The following C10orf67 variants were observed in gnomAD, a reference collection of about 807,000 sequenced individuals.
C10orf67 encodes the protein uncharacterized protein C10orf67, mitochondrial.
Under a neutral mutation model 35.6 loss-of-function variants are expected in C10orf67, and 60 were observed. The ratio of observed to expected loss-of-function variants is 1.68; its 90% CI spans 1.37 to 2.09. The LOEUF (loss-of-function observed/expected upper bound fraction) is 2.09, where lower values mean the gene tolerates loss of function less well. Among genes scored for constraint, C10orf67 ranks in the 30% most tolerant of loss-of-function variants. C10orf67 has a pLI of 0.00. For missense variants in C10orf67, 474 were observed against 330.2 expected (o/e 1.44, Z -3.38); for synonymous variants, 167 against 115.8 (o/e 1.44, Z -2.84).
At chr10:23,225,146 G>T (rs1414492242) in intron 13 of C10orf67, among the ~76,000 whole-genome samples, 1 of 152,208 alleles carries the variant, frequency 6.6e-6, no homozygotes, top group African/African-American at 2.4e-5. Flanking sequence ...ACAAAGGGAA[G>T]CCCATCAGAC....
chr10:23,245,270 A>G (rs1250609217), intron 12 of C10orf67, among the ~76,000 whole-genome samples: 2 of 152,214 alleles, frequency 1.3e-5, no homozygotes, highest in Non-Finnish European at 2.9e-5. Context: ...AAGAAAACAT[A>G]GGAGGGAAAG....
intron 13 of C10orf67, among the ~76,000 whole-genome samples, chr10:23,236,450 CA>C (rs1215009871): frequency 6.6e-6 from 1 of 150,792 alleles, no homozygotes; most frequent in Non-Finnish European, 1.5e-5. Flanking sequence ...CAAAACAAAA[CA>C]AACAAAAAAC....
intron 12 of C10orf67, among the ~76,000 whole-genome samples, chr10:23,244,970 G>A (rs770164995): frequency 1.8e-4 from 27 of 152,130 alleles, no homozygotes; most frequent in Non-Finnish European, 3.2e-4. Flanking sequence ...CAAAGCTATA[G>A]TAATCAAAAC....
intron 5 of C10orf67, among the ~76,000 whole-genome samples, chr10:23,296,144 T>C (rs1231624912): frequency 1.3e-5 from 2 of 152,192 alleles, no homozygotes; most frequent in Non-Finnish European, 2.9e-5. Context: ...ACTTTTCAGA[T>C]TTTCCTGTAT....
At chr10:23,252,863 C>T (rs11013352) in intron 10 of C10orf67, among the ~76,000 whole-genome samples, 57,379 of 151,984 alleles carry the variant, frequency 0.38, 11,683 homozygotes, top group Non-Finnish European at 0.46. Flanking sequence ...GTGTCCCCAC[C>T]CAAATCTCAT....
chr10:23,233,202 G>C (rs932620357), intron 13 of C10orf67, among the ~76,000 whole-genome samples: 1 of 152,080 alleles, frequency 6.6e-6, no homozygotes, highest in Non-Finnish European at 1.5e-5. Context: ...CTGAGTTGAA[G>C]AAAAGCACTA....
chr10:23,246,040 T>C (rs1331091440), intron 12 of C10orf67, among the ~76,000 whole-genome samples: 1 of 152,186 alleles, frequency 6.6e-6, no homozygotes, highest in Admixed American at 6.5e-5. Flanking sequence ...TGAAATCATG[T>C]CCTTTGCAGC....
intron 2 of C10orf67, among the ~76,000 whole-genome samples, chr10:23,327,862 A>C (rs1454910543): frequency 6.6e-6 from 1 of 152,072 alleles, no homozygotes; most frequent in Non-Finnish European, 1.5e-5. Flanking sequence ...TCTATGCCAC[A>C]TTGACAAAGA....
intron 4 of C10orf67, among the ~76,000 whole-genome samples, chr10:23,313,753 T>C (rs1414950692): frequency 6.6e-6 from 1 of 151,714 alleles, no homozygotes; most frequent in Admixed American, 6.6e-5. Flanking sequence ...AGCTAAGAAG[T>C]GGAAACAGAT....
intron 8 of C10orf67, among the ~76,000 whole-genome samples, chr10:23,281,712 C>A (rs1843372819): frequency 6.6e-6 from 1 of 151,978 alleles, no homozygotes; most frequent in Admixed American, 6.6e-5. Flanking sequence ...AAATAGCGGG[C>A]TCTCATATTT....
chr10:23,233,357 A>T (rs1171593771), intron 13 of C10orf67, among the ~76,000 whole-genome samples: 6 of 152,216 alleles, frequency 3.9e-5, no homozygotes, highest in African/African-American at 1.4e-4. Flanking sequence ...AACAAACAAA[A>T]ATTAAACTGG....
chr10:23,215,137 G>T (rs993853937), intron 15 of C10orf67, among the ~76,000 whole-genome samples: 1 of 152,012 alleles, frequency 6.6e-6, no homozygotes, highest in Non-Finnish European at 1.5e-5. Flanking sequence ...TAGATCAAAT[G>T]GATTGTCTAG....
At chr10:23,228,721 A>T (rs370919852) in intron 13 of C10orf67, among the ~76,000 whole-genome samples, 1 of 152,162 alleles carries the variant, frequency 6.6e-6, no homozygotes, top group Non-Finnish European at 1.5e-5. Context: ...GAATCTACAA[A>T]GAACTCAAAC....
intron 15 of C10orf67, among the ~76,000 whole-genome samples, chr10:23,211,789 G>A (rs1022764148): frequency 3.9e-5 from 6 of 152,098 alleles, no homozygotes; most frequent in African/African-American, 1.4e-4. Flanking sequence ...ATTTTTGGTG[G>A]GGGAAGAAGA....
chr10:23,319,237 A>G (rs1037826379), intron 4 of C10orf67, among the ~76,000 whole-genome samples: 7 of 152,114 alleles, frequency 4.6e-5, no homozygotes, highest in African/African-American at 1.4e-4. Context: ...GCTCCCACTC[A>G]TAAGTAAGAA....
chr10:23,284,421 G>A (rs548524186), intron 7 of C10orf67, among the ~76,000 whole-genome samples: 2 of 151,856 alleles, frequency 1.3e-5, no homozygotes, highest in South Asian at 2.1e-4. Context: ...GGTGGCTCAC[G>A]CCTATGATCC....
intron 1 of C10orf67, among the ~76,000 whole-genome samples, chr10:23,341,080 A>G (rs1845864823): frequency 6.6e-6 from 1 of 152,220 alleles, no homozygotes; most frequent in South Asian, 2.1e-4. Context: ...TCCTCTTCAA[A>G]GAACACAGAA....
chr10:23,335,853 C>A (rs377525382), intron 1 of C10orf67, among the ~76,000 whole-genome samples: 13 of 152,292 alleles, frequency 8.5e-5, no homozygotes, highest in African/African-American at 2.6e-4. Flanking sequence ...AATGTTCCCC[C>A]AAATACATCT....
At chr10:23,226,096 A>G (rs1177385576) in intron 13 of C10orf67, among the ~76,000 whole-genome samples, 1 of 152,216 alleles carries the variant, frequency 6.6e-6, no homozygotes, top group Non-Finnish European at 1.5e-5. Context: ...GACCTAATAG[A>G]CATCTACAGA....
Sources: allele counts gnomAD v4.1 joint callset (sites outside exome capture counted in the v4.1 genomes callset), GRCh38; gene constraint gnomAD v4.1.1; transcripts MANE v1.5; gene names NCBI Gene and HGNC (gene_info 2026-07-23, HGNC 2026-07-21).